FUBP3: variants seen among roughly 807,000 people sequenced by gnomAD.
FUBP3 encodes far upstream element binding protein 3.
Under a neutral mutation model 85.6 loss-of-function variants are expected in FUBP3, and 28 were observed. That is an observed-to-expected ratio of 0.33 (90% confidence interval 0.24 to 0.45). The LOEUF (loss-of-function observed/expected upper bound fraction) is 0.45. FUBP3 is among the 20% of genes least tolerant of loss of function. The pLI is 1.00. For missense variants in FUBP3, 583 were observed against 755.1 expected, an observed-to-expected ratio of 0.77 and a Z score of 2.67; for synonymous variants, 271 against 271.4, an observed-to-expected ratio of 1.00 and a Z score of 0.01.
chr9:130,597,264 TTAAATAGACCCAAA>T (rs1332467336), intron 2 of FUBP3, among the ~76,000 whole-genome samples: 1 of 150,308 alleles, frequency 6.7e-6, no homozygotes, highest in Non-Finnish European at 1.5e-5. Flanking sequence ...TGAAGTGTTT[TTAAATAGACCCAAA>T]TAACACCTCC....
At position 130,593,799 on chromosome 9, in the gene FUBP3, A is replaced by C. The variant is rs536950994; in HGVS notation, c.85-1684A>C. Among the ~76,000 whole-genome samples, 53 of 152,360 alleles carry C rather than the reference A, an allele frequency of 3.5e-4. 1 individual carries two copies. The highest frequency in any genetic ancestry group is 6.8e-3 in the Middle Eastern group (2 of 294). Reference sequence around the variant, plus strand: ...TAACTGAGGGACTAACATCAAGAGCAGTTGCTGTAAATATTCCTTTGGTTA... The same window carrying C: ...TAACTGAGGGACTAACATCAAGAGCCGTTGCTGTAAATATTCCTTTGGTTA... On this transcript the variant is annotated intron_variant, in intron 1 of 18. Coordinates refer to ENST00000319725, the MANE Select transcript of FUBP3 (RefSeq NM_003934.2).
Position 130,620,332 on chromosome 9 carries a change from CTTTT to C in FUBP3, c.667-20_667-17del. 7.2e-7 allele frequency: 1 copy of C among 1,386,886 alleles called. No individual in the cohort carries two copies. Among genetic ancestry groups the C allele is most frequent in the African/African-American group, 1.4e-5 (1 of 69,094 alleles). 85.9% of individuals were successfully genotyped at this position (1,386,886 alleles called of 1,614,324 possible). A position where few individuals can be genotyped will look rare whatever the true frequency, so the allele number is the denominator to read the frequency against. ...TTTTCAGGAATTTTTTCTCATAATG[CTTTT>C]TGTTTGTGTTTATGCAGCAAGCAAG... On this transcript the variant is annotated intron_variant, in intron 8 of 18. Transcript: ENST00000319725.
intron 16 of FUBP3, among the ~76,000 whole-genome samples, chr9:130,633,223 T>A (rs1830286417): frequency 6.6e-6 from 1 of 152,238 alleles, no homozygotes; most frequent in South Asian, 2.1e-4. Flanking sequence ...AATTGTATAG[T>A]TGTGTTTCTT....
At chr9:130,589,297 G>A (rs911204275) in intron 1 of FUBP3, among the ~76,000 whole-genome samples, 7 of 151,632 alleles carry the variant, frequency 4.6e-5, no homozygotes, top group African/African-American at 1.5e-4. Context: ...CCGTATCATT[G>A]AACCTTCAAT....
intron 6 of FUBP3, among the ~76,000 whole-genome samples, chr9:130,614,923 G>GT (rs1400166824): frequency 6.6e-6 from 1 of 152,102 alleles, no homozygotes; most frequent in East Asian, 1.9e-4. Flanking sequence ...CTTATACCAG[G>GT]TGCAGGTGTC....
intron 1 of FUBP3, among the ~76,000 whole-genome samples, chr9:130,589,823 G>A (rs1378898542): frequency 1.4e-5 from 2 of 147,012 alleles, no homozygotes; most frequent in Admixed American, 1.4e-4. Context: ...GGATCCTCCT[G>A]CCTCAGCCTC....
chr9:130,631,171 C>T, intron 13 of FUBP3: 1 of 1,166,018 alleles, frequency 8.6e-7, no homozygotes, highest in South Asian at 3.4e-5. Context: ...TTTCAGGCAC[C>T]TCAAGGCAGA....
chr9:130,629,912 C>G (rs563501075), intron 12 of FUBP3, among the ~76,000 whole-genome samples: 1 of 152,242 alleles, frequency 6.6e-6, no homozygotes, highest in Non-Finnish European at 1.5e-5. Flanking sequence ...ACTATTGTTA[C>G]GCTGCTGGAG....
chr9:130,621,015 G>A (rs11794652), intron 9 of FUBP3, among the ~76,000 whole-genome samples: 35,378 of 152,010 alleles, frequency 0.23, 4,983 homozygotes, highest in African/African-American at 0.4. Context: ...TGTTTAATGG[G>A]TACAGAGTTG....
chr9:130,620,189 C>T (rs368552935), intron 8 of FUBP3, among the ~76,000 whole-genome samples, 165 bp from the exon 9 acceptor site: 74 of 152,254 alleles, frequency 4.9e-4, no homozygotes, highest in East Asian at 2.1e-3. Flanking sequence ...ACTTAAGATA[C>T]GATACACACA....
chr9:130,602,814 C>A (rs914378491), intron 2 of FUBP3, among the ~76,000 whole-genome samples: 1 of 152,034 alleles, frequency 6.6e-6, no homozygotes, highest in African/African-American at 2.4e-5. Flanking sequence ...GGGCAGGCTT[C>A]CCAGGTTCCT....
chr9:130,594,880 T>TA (rs1280760752), intron 1 of FUBP3, among the ~76,000 whole-genome samples: 1 of 151,732 alleles, frequency 6.6e-6, no homozygotes, highest in Non-Finnish European at 1.5e-5. Flanking sequence ...TTTTTTTTTT[T>TA]TTTTTTTCTT....
rs148362833 is a variant in FUBP3 at position 130,629,480 on chromosome 9, T to A, written c.1118-1148T>A. On this transcript the variant is annotated intron_variant, in intron 12 of 18. Transcript: ENST00000319725. ...TGCCTTCAGGAAGGACCACCTGCCT[T>A]TTTCATTCCTGGACCTCTGTAGAGT... 7.2e-5 allele frequency among the ~76,000 whole-genome samples: 11 copies of A among 152,350 alleles called. No individual in the cohort carries two copies. In the East Asian group the frequency reaches 2.1e-3, roughly 29 times the overall value.
At chr9:130,615,714 T>C (rs1831969835) in intron 6 of FUBP3, among the ~76,000 whole-genome samples, 1 of 152,192 alleles carries the variant, frequency 6.6e-6, no homozygotes, top group South Asian at 2.1e-4. Flanking sequence ...TTGGCTGCCA[T>C]GGAAAGCCCA....
At chr9:130,613,146 A>G (rs999610478) in intron 5 of FUBP3, 119 bp downstream of exon 5, 3 of 659,982 alleles carry the variant, frequency 4.5e-6, no homozygotes, top group African/African-American at 3.6e-5. Context: ...TTTTCCTTGC[A>G]CTTTGGGAGT....
chr9:130,609,272 G>A (rs1831618883), intron 2 of FUBP3, among the ~76,000 whole-genome samples: 1 of 152,190 alleles, frequency 6.6e-6, no homozygotes, highest in African/African-American at 2.4e-5. Context: ...TACAGAGTTG[G>A]TTTTAATAAT....
At chr9:130,631,038 C>A in intron 13 of FUBP3, 1 of 761,996 alleles carries the variant, frequency 1.3e-6, no homozygotes, top group Non-Finnish European at 1.8e-6. Flanking sequence ...GCCCCAGAGC[C>A]GTTCCCCTGC....
chr9:130,626,574 C>T, intron 12 of FUBP3, 69 bp downstream of exon 12: 1 of 1,521,186 alleles, frequency 6.6e-7, no homozygotes, highest in Non-Finnish European at 9.0e-7. Context: ...GTCACGGGAC[C>T]TCCAGAACCT....
Position 130,595,492 on chromosome 9 carries a change from A to G in FUBP3, c.94A>G (p.Lys32Glu). ...CTGATTCTCTCTGTAGATTGCTGCT[A>G]AAATTGATTCAATTCCTCACTTGAA... Reference protein sequence around the residue: ...ALHRVRQIAAKIDSIPHLNNS... With the variant: ...ALHRVRQIAAEIDSIPHLNNS... The change falls in exon 2 of 19, where the codon AAA (lysine) becomes GAA (glutamate). Residue 32 changes from lysine to glutamate, a missense_variant. Physicochemically the swap from Lys to Glu is moderately conservative, Grantham distance 56 (BLOSUM62 1). Around this residue, in one of 3 missense-constraint regions of FUBP3, gnomAD observed 177 missense variants for 221.9 expected, o/e 0.80. Coordinates refer to ENST00000319725, the MANE Select transcript of FUBP3 (RefSeq NM_003934.2). 3 of 1,514,826 alleles carry G rather than the reference A, an allele frequency of 2.0e-6. No homozygotes were observed. Among genetic ancestry groups the G allele is most frequent in the Non-Finnish European group, 2.8e-6 (3 of 1,089,368 alleles). 93.8% of individuals were successfully genotyped at this position (1,514,826 alleles called of 1,614,324 possible).
Sources: gnomAD v4.1 joint callset for allele counts (sites outside exome capture counted in the v4.1 genomes callset) on GRCh38, gnomAD v4.1.1 for gene constraint, gnomAD v4.1.1 regional missense constraint, MANE v1.5 for transcripts, NCBI Gene and HGNC (gene_info 2026-07-23, HGNC 2026-07-21) for gene names.